DCLK1: variants seen among roughly 807,000 people sequenced by gnomAD.
DCLK1 encodes the protein doublecortin like kinase 1.
In DCLK1, 16 loss-of-function variants were observed where a neutral mutation model predicts 86.2. That is an observed-to-expected ratio of 0.19 (90% CI 0.13 to 0.28). The LOEUF (loss-of-function observed/expected upper bound fraction) is 0.28. DCLK1 is among the 10% of genes least tolerant of loss of function. DCLK1 has a pLI of 1.00. For synonymous variants in DCLK1, 369 were observed against 370.5 expected (o/e 1.00, Z 0.05); for missense variants, 590 against 940.2 (o/e 0.63, Z 4.87).
chr13:35,996,684 C>T (rs547060565), intron 3 of DCLK1, among the ~76,000 whole-genome samples: 3 of 146,358 alleles, frequency 2.0e-5, no homozygotes, highest in East Asian at 2.0e-4. Context: ...CACGTGAGTT[C>T]CTTAAAACAA....
rs1158993525 is a variant in DCLK1 at position 35,839,182 on chromosome 13, G to A, written c.1036-6C>T. On this transcript the variant is annotated splice_polypyrimidine_tract_variant and splice_region_variant and intron_variant, in intron 6 of 16. Transcript: ENST00000360631. ...GAGCCGCCATGCTGAGAGCTCTGTA[G>A]GGGAACAGAAACCGGTAATTCAAAA... 6.4e-7 allele frequency: 1 copy of A among 1,572,238 alleles called. No individual in the cohort carries two copies. The highest frequency in any genetic ancestry group is 1.7e-4 in the Middle Eastern group (1 of 5,970).
chr13:35,881,463 G>T (rs1872897456), intron 4 of DCLK1, among the ~76,000 whole-genome samples: 1 of 152,062 alleles, frequency 6.6e-6, no homozygotes, highest in Non-Finnish European at 1.5e-5. Flanking sequence ...CTACTCCTCT[G>T]CCTGCCTTTG....
intron 4 of DCLK1, among the ~76,000 whole-genome samples, chr13:35,943,558 T>A (rs1279837206): frequency 6.6e-6 from 1 of 152,036 alleles, no homozygotes; most frequent in African/African-American, 2.4e-5. Flanking sequence ...AAAGAGAGGA[T>A]GACAGGTATC....
chr13:35,812,655 A>G (rs1357581180), intron 11 of DCLK1, among the ~76,000 whole-genome samples: 1 of 152,252 alleles, frequency 6.6e-6, no homozygotes, highest in Non-Finnish European at 1.5e-5. Context: ...AGATCCACCT[A>G]TCTGAAAGAC....
intron 2 of DCLK1, among the ~76,000 whole-genome samples, chr13:36,119,338 A>C (rs7336076): frequency 0.68 from 102,636 of 151,852 alleles, 35,525 homozygotes; most frequent in East Asian, 0.98. Context: ...AGAAATTTGG[A>C]AAGTAAAGAG....
intron 3 of DCLK1, among the ~76,000 whole-genome samples, chr13:35,972,360 T>G (rs1879109100): frequency 6.6e-6 from 1 of 152,190 alleles, no homozygotes; most frequent in African/African-American, 2.4e-5. Flanking sequence ...TGCCTCAGCC[T>G]TGACATGAGA....
chr13:35,957,645 C>G (rs1878068032), intron 3 of DCLK1, among the ~76,000 whole-genome samples: 1 of 152,084 alleles, frequency 6.6e-6, no homozygotes, highest in Non-Finnish European at 1.5e-5. Context: ...TGGCTTGCTG[C>G]CTGAGATTGT....
intron 4 of DCLK1, among the ~76,000 whole-genome samples, chr13:35,925,866 T>C (rs922136692): frequency 1.3e-5 from 2 of 152,180 alleles, no homozygotes; most frequent in East Asian, 1.9e-4. Context: ...ACAGAAAATA[T>C]GACTACACAT....
intron 8 of DCLK1, among the ~76,000 whole-genome samples, chr13:35,829,734 T>G (rs1868796922): frequency 6.6e-6 from 1 of 152,182 alleles, no homozygotes; most frequent in Non-Finnish European, 1.5e-5. Flanking sequence ...AGATGATGAC[T>G]TCGAAGCCTC....
In DCLK1 at chr13:35,912,110, C is replaced by A. The variant is rs146611263; in HGVS notation, c.823+35248G>T. Among the ~76,000 whole-genome samples the A allele has an allele frequency of 5.3e-5, 8 of 152,308 alleles. No individual in the cohort carries two copies. In the East Asian group the frequency reaches 1.5e-3, roughly 29 times the overall value. Reference sequence around the variant, plus strand: ...GCTCAATCAATCAATCACGGCCCTCCCTTTCTGAATCCTTCCTTGAATTCT... The same window carrying A: ...GCTCAATCAATCAATCACGGCCCTCACTTTCTGAATCCTTCCTTGAATTCT... On this transcript the variant is annotated intron_variant, in intron 4 of 16. Coordinates refer to ENST00000360631, the MANE Select transcript of DCLK1 (RefSeq NM_001330071.2).
At chr13:35,838,072 A>AAAAAAAAAAAAAAAAAAAAAAG (rs1555343219) in intron 7 of DCLK1, among the ~76,000 whole-genome samples, 2 of 149,828 alleles carry the variant, frequency 1.3e-5, no homozygotes, top group African/African-American at 5.0e-5. Context: ...TCTCAAAAAA[A>AAAAAAAAAAAAAAAAAAAAAAG]AAAAGAAAAG....
At chr13:36,094,347 T>C (rs1167039084) in intron 3 of DCLK1, among the ~76,000 whole-genome samples, 1 of 152,240 alleles carries the variant, frequency 6.6e-6, no homozygotes, top group Admixed American at 6.5e-5. Context: ...TTCTGCTCCT[T>C]GTTCACCTCC....
At chr13:36,068,956 A>G (rs1883865155) in intron 3 of DCLK1, among the ~76,000 whole-genome samples, 1 of 152,258 alleles carries the variant, frequency 6.6e-6, no homozygotes, top group Non-Finnish European at 1.5e-5. Context: ...TTTTAAATAT[A>G]GCAGTCAGAT....
chr13:36,110,665 C>G (rs1316898409), intron 3 of DCLK1, among the ~76,000 whole-genome samples: 2 of 151,904 alleles, frequency 1.3e-5, no homozygotes. Context: ...TTAATATTTA[C>G]TATACATACA....
At chr13:35,956,488 A>G (rs540626114) in intron 3 of DCLK1, among the ~76,000 whole-genome samples, 1 of 152,296 alleles carries the variant, frequency 6.6e-6, no homozygotes, top group African/African-American at 2.4e-5. Flanking sequence ...CACATAATAC[A>G]GAATATTTTG....
At chr13:35,975,651 G>A (rs1879295026) in intron 3 of DCLK1, among the ~76,000 whole-genome samples, 1 of 152,026 alleles carries the variant, frequency 6.6e-6, no homozygotes, top group Admixed American at 6.6e-5. Flanking sequence ...CCTGAGCACG[G>A]GGATGAGTTT....
chr13:35,986,732 GA>G (rs1234894966), intron 3 of DCLK1, among the ~76,000 whole-genome samples: 1 of 152,166 alleles, frequency 6.6e-6, no homozygotes, highest in African/African-American at 2.4e-5. Context: ...GAGAAACACA[GA>G]AACTGATGGG....
At chr13:35,950,243 A>G (rs962833172) in intron 3 of DCLK1, among the ~76,000 whole-genome samples, 5 of 152,210 alleles carry the variant, frequency 3.3e-5, no homozygotes, top group African/African-American at 1.2e-4. Context: ...ATAAAGATGA[A>G]TTTAGGATAA....
At chr13:36,120,509 T>C (rs989411607) in intron 2 of DCLK1, among the ~76,000 whole-genome samples, 1 of 152,186 alleles carries the variant, frequency 6.6e-6, no homozygotes, top group Non-Finnish European at 1.5e-5. Context: ...GGCTACACCA[T>C]CTATGTTTGT....
Sources: gnomAD v4.1 joint callset for allele counts (sites outside exome capture counted in the v4.1 genomes callset) on GRCh38, gnomAD v4.1.1 for gene constraint, MANE v1.5 for transcripts, NCBI Gene and HGNC (gene_info 2026-07-23, HGNC 2026-07-21) for gene names.